The following MEPE variants were observed in gnomAD, a reference collection of about 807,000 sequenced individuals.
MEPE encodes matrix, extracellular phosphoglycoprotein with ASARM motif (bone).
MEPE carries 7 observed loss-of-function variants against 7.3 expected under a neutral mutation model. The ratio of observed to expected loss-of-function variants is 0.95; its 90% CI spans 0.54 to 1.79. The LOEUF (loss-of-function observed/expected upper bound fraction) is 1.79, where lower values mean the gene tolerates loss of function less well. Among genes scored for constraint, MEPE ranks in the 40% most tolerant of loss-of-function variants. The probability of loss-of-function intolerance (pLI) is 0.00; values close to 1 mark genes in which losing one functional copy is unlikely to be tolerated. For missense variants in MEPE, 623 were observed against 628.2 expected, an observed-to-expected ratio of 0.99 and a Z score of 0.09; for synonymous variants, 214 against 213.1, an observed-to-expected ratio of 1.00 and a Z score of -0.04.
chr4:87,826,528 A>G (rs1722475363), intron 1 of MEPE, among the ~76,000 whole-genome samples: 2 of 152,082 alleles, frequency 1.3e-5, no homozygotes, highest in Admixed American at 1.3e-4. Flanking sequence ...TGCTGGGTCA[A>G]GTGGTATTTC....
At position 87,832,988 on chromosome 4, in the gene MEPE, A is replaced by C. The variant is rs1435456269; in HGVS notation, c.-39A>C. On this transcript the variant is annotated 5_prime_UTR_variant, in exon 1 of 4. Transcript: ENST00000361056. ...ACTTCTAATCCTGCAACAAGAAGCCAGGTATTCTGAAGGTGAAAGATACCA... is the reference window on the plus strand; with the variant it reads ...ACTTCTAATCCTGCAACAAGAAGCCCGGTATTCTGAAGGTGAAAGATACCA... 1 of 152,212 alleles carries C rather than the reference A, an allele frequency of 6.6e-6. No homozygotes were observed. The highest frequency in any genetic ancestry group is 2.4e-5 in the African/African-American group (1 of 41,458). 9.4% of individuals were successfully genotyped at this position (152,212 alleles called of 1,614,324 possible).
upstream of MEPE, among the ~76,000 whole-genome samples, chr4:87,829,846 T>C (rs1269434597): frequency 6.7e-6 from 1 of 150,364 alleles, no homozygotes; most frequent in Admixed American, 6.7e-5. Flanking sequence ...TGTTAGCTCC[T>C]TTCTATATCA....
intron 2 of MEPE, among the ~76,000 whole-genome samples, chr4:87,836,726 T>C (rs1422710791): frequency 6.6e-6 from 1 of 152,184 alleles, no homozygotes; most frequent in Admixed American, 6.5e-5. Flanking sequence ...TATTTAATCA[T>C]TCAAAAATTT....
At position 87,845,138 on chromosome 4, in the gene MEPE, C is replaced by T. The variant is rs1180243482; in HGVS notation, c.270C>T (p.Phe90=). ...GAAGTAGTAAATCTCAAAATTATTT[C>T]ACAAATAGACAGAGACTGAATAAAG... The part of the protein sequence containing the change: ...NKGSSKSQNY[F]TNRQRLNKEY... Residue 90 remains phenylalanine (F), a synonymous_variant, in exon 4 of 4, where the codon TTC becomes TTT. Coordinates refer to ENST00000361056, the MANE Select transcript of MEPE (RefSeq NM_020203.6). The T allele has an allele frequency of 6.2e-7, 1 of 1,613,522 alleles. No individual in the cohort carries two copies. Among genetic ancestry groups the T allele is most frequent in the South Asian group, 1.1e-5 (1 of 90,956 alleles).
chr4:87,827,805 C>G (rs954930475), intron 1 of MEPE, among the ~76,000 whole-genome samples: 1 of 152,126 alleles, frequency 6.6e-6, no homozygotes, highest in African/African-American at 2.4e-5. Flanking sequence ...AAACAAAAAG[C>G]CCAGAGGAAT....
intron 1 of MEPE, among the ~76,000 whole-genome samples, chr4:87,825,895 T>G (rs1197915622): frequency 6.6e-6 from 1 of 152,160 alleles, no homozygotes; most frequent in Non-Finnish European, 1.5e-5. Flanking sequence ...TGTCCATGTG[T>G]TCTCATTATT....
At chr4:87,839,802 T>C in intron 3 of MEPE, 3 of 1,544,956 alleles carry the variant, frequency 1.9e-6, no homozygotes, top group Non-Finnish European at 2.6e-6. Context: ...TGAATGACCA[T>C]TCTCAGCATG....
upstream of MEPE, among the ~76,000 whole-genome samples, chr4:87,830,029 G>C (rs1722562792): frequency 6.6e-6 from 1 of 152,046 alleles, no homozygotes; most frequent in Non-Finnish European, 1.5e-5. Context: ...AAGTCTGTTT[G>C]CCTCCAAAGC....
chr4:87,842,621 G>C (rs1284106289), intron 3 of MEPE, among the ~76,000 whole-genome samples: 1 of 152,106 alleles, frequency 6.6e-6, no homozygotes, highest in Non-Finnish European at 1.5e-5. Flanking sequence ...CCTAACACAA[G>C]AGAACTGTAG....
intron 3 of MEPE, among the ~76,000 whole-genome samples, chr4:87,844,002 T>C (rs1030001503): frequency 1.3e-5 from 2 of 152,192 alleles, no homozygotes; most frequent in Non-Finnish European, 2.9e-5. Context: ...TAGTATAGTC[T>C]TGACTAGGGC....
At chr4:87,835,587 G>T (rs62316435) in intron 2 of MEPE, among the ~76,000 whole-genome samples, 7 of 152,178 alleles carry the variant, frequency 4.6e-5, no homozygotes, top group Admixed American at 3.3e-4. Context: ...GGCTGATGAG[G>T]ATGACCAGGG....
chr4:87,845,498 C>G lies in MEPE; in HGVS notation c.630C>G (p.Ser210Arg). 6.2e-7 allele frequency: 1 copy of G among 1,613,496 alleles called. No homozygotes were observed. Among genetic ancestry groups the G allele is most frequent in the Non-Finnish European group, 8.5e-7 (1 of 1,179,866 alleles). ...AAGCCCAGAAAAGTCCAGTAAAAAG[C>G]AAAAGCACCCATCGTATTCAACACA... ...DSQAQKSPVK[S>R]KSTHRIQHNI... is the part of the protein sequence containing the mutation. The change falls in exon 4 of 4, where the codon AGC (serine) becomes AGG (arginine). Residue 210 changes from serine to arginine, a missense_variant. Ser to Arg is a moderately radical substitution (Grantham distance 110). Coordinates refer to ENST00000361056, the MANE Select transcript of MEPE (RefSeq NM_020203.6).
At chr4:87,823,163 A>G (rs559656220) in intron 1 of MEPE, among the ~76,000 whole-genome samples, 2 of 152,344 alleles carry the variant, frequency 1.3e-5, no homozygotes, top group East Asian at 3.9e-4. Context: ...GTAGACATGC[A>G]GGACCTCGCC....
At chr4:87,844,870 T>A (rs1723149276) in intron 3 of MEPE, 107 bp from the exon 4 acceptor site, 1 of 874,220 alleles carries the variant, frequency 1.1e-6, no homozygotes, top group South Asian at 2.5e-5. Context: ...AGTTAATAGA[T>A]CCTTTTTATT....
intron 1 of MEPE, among the ~76,000 whole-genome samples, chr4:87,825,299 A>T (rs2109987919): frequency 6.6e-6 from 1 of 152,332 alleles, no homozygotes; most frequent in Admixed American, 6.5e-5. Context: ...GTTCTGTAAA[A>T]TCAACAGCAC....
intron 1 of MEPE, among the ~76,000 whole-genome samples, chr4:87,826,389 T>TG (rs1226768954): frequency 2.6e-5 from 4 of 151,582 alleles, no homozygotes; most frequent in Non-Finnish European, 5.9e-5. Context: ...AGTTTTTTTT[T>TG]TTGTTTTTGT....
upstream of MEPE, among the ~76,000 whole-genome samples, chr4:87,832,470 T>C (rs1722624638): frequency 1.3e-5 from 2 of 152,168 alleles, no homozygotes; most frequent in African/African-American, 4.8e-5. Context: ...TTATCTTGTT[T>C]ATTATCTGTC....
At chr4:87,839,799 C>G (rs1325704142) in intron 3 of MEPE, 6 of 1,544,124 alleles carry the variant, frequency 3.9e-6, no homozygotes, top group Admixed American at 2.0e-5. Context: ...CTCTGAATGA[C>G]CATTCTCAGC....
intron 1 of MEPE, among the ~76,000 whole-genome samples, chr4:87,822,652 G>A (rs577118537): frequency 1.6e-4 from 24 of 152,306 alleles, no homozygotes; most frequent in African/African-American, 4.3e-4. Flanking sequence ...GTGGTAGGTC[G>A]TTCTGCTACT....
Sources: allele counts gnomAD v4.1 joint callset (sites outside exome capture counted in the v4.1 genomes callset), GRCh38; gene constraint gnomAD v4.1.1; transcripts MANE v1.5; gene names NCBI Gene and HGNC (gene_info 2026-07-23, HGNC 2026-07-21).